Variants in PTCH2 observed in about 807,000 individuals in gnomAD.
PTCH2 encodes patched 2.
PTCH2 carries 96 observed loss-of-function variants against 117.9 expected under a neutral mutation model. That is an observed-to-expected ratio of 0.81 (90% CI 0.69 to 0.96). PTCH2 has a LOEUF of 0.96. Ranked by LOEUF, PTCH2 falls within the 50% of genes least tolerant of loss-of-function variation. PTCH2 has a pLI of 0.00. For missense variants in PTCH2, 1,379 were observed against 1,562.5 expected, an observed-to-expected ratio of 0.88 and a Z score of 1.98; for synonymous variants, 615 against 660.9, an observed-to-expected ratio of 0.93 and a Z score of 1.06.
At position 44,841,202 on chromosome 1, in the gene PTCH2, C is replaced by A. The variant is rs561355142; in HGVS notation, c.265+645G>T. 4.7e-5 allele frequency among the ~76,000 whole-genome samples: 7 copies of A among 149,430 alleles called. No individual in the cohort carries two copies. In the South Asian group the frequency reaches 8.5e-4, roughly 18 times the overall value. ...AAACAAACAAAAAAACAACCCCCCC[C>A]AAAAAAAAACCCCAAGAAAATCATT... On this transcript the variant is annotated intron_variant, in intron 2 of 21. Coordinates refer to ENST00000372192, the MANE Select transcript of PTCH2 (RefSeq NM_003738.5).
At chr1:44,834,466 C>G in intron 2 of PTCH2, among the ~76,000 whole-genome samples, 1 of 152,128 alleles carries the variant, frequency 6.6e-6, no homozygotes, top group East Asian at 1.9e-4. Context: ...TTTTGCCAGG[C>G]CTGTACTGCA....
Position 44,843,208 on chromosome 1 carries a change from G to A in PTCH2, c.-276C>T. 1 of 1,201,846 alleles carries A rather than the reference G, an allele frequency of 8.3e-7. No homozygotes were observed. The allele number at this position is 1,201,846 out of a possible 1,614,324, so 74.4% of individuals were successfully genotyped here. On this transcript the variant is annotated 5_prime_UTR_variant, in exon 1 of 22. Transcript: ENST00000372192. ...GAGGAATGGGTCCCGCGCGCAGGCG[G>A]AATTGCTGGCCCGAGACGCACAGCA...
At chr1:44,820,527 A>G (rs1652869943), downstream of PTCH2, 1 of 678,964 alleles carries the variant, frequency 1.5e-6, no homozygotes, top group African/African-American at 1.8e-5. Flanking sequence ...GATCCAATTC[A>G]CCTCGAAGGG....
rs150339322 is a variant in PTCH2, at chr1:44,827,078, G to C, written c.2519C>G (p.Thr840Ser). The C allele has an allele frequency of 1.8e-5, 29 of 1,613,928 alleles. No individual in the cohort carries two copies. The highest frequency in any genetic ancestry group is 2.2e-5 in the Non-Finnish European group (26 of 1,179,972). ...AQEPLDFSQL[T>S]TRKLVDREGL... ...CTCTCTGTCCACCAGCTTCCTTGTG[G>C]TCAGCTGCAGAGGCAGAGAGGGCTG... The change falls in exon 17 of 22, where the codon ACC (threonine) becomes AGC (serine). Residue 840 changes from threonine (T) to serine (S), a missense_variant. By Grantham distance (58) the Thr-to-Ser change is moderately conservative (BLOSUM62 1). Coordinates refer to ENST00000372192, the MANE Select transcript of PTCH2 (RefSeq NM_003738.5).
At chr1:44,840,123 G>A (rs969855102) in intron 2 of PTCH2, among the ~76,000 whole-genome samples, 1 of 137,058 alleles carries the variant, frequency 7.3e-6, no homozygotes, top group African/African-American at 2.9e-5. Context: ...TTTTTTTTGA[G>A]ATGGAATCTC....
At chr1:44,825,200 G>A (rs1653087622) in intron 19 of PTCH2, among the ~76,000 whole-genome samples, 1 of 151,908 alleles carries the variant, frequency 6.6e-6, no homozygotes, top group African/African-American at 2.4e-5. Flanking sequence ...GCAGTGGCAT[G>A]GTCTCGGCTC....
chr1:44,837,989 G>A (rs1354881936), intron 2 of PTCH2, among the ~76,000 whole-genome samples: 2 of 151,784 alleles, frequency 1.3e-5, no homozygotes, highest in African/African-American at 4.8e-5. Flanking sequence ...GGCTGAGGCA[G>A]GAGAATGGCG....
At position 44,828,966 on chromosome 1, in the gene PTCH2, G is replaced by C; in HGVS notation, c.1464+16C>G. ...GCTGAGCTGCCTCAGATGAGCCCTGGGGGACAAGGCCCCACCTGGAGAGGG... is the reference window on the plus strand; with the variant it reads ...GCTGAGCTGCCTCAGATGAGCCCTGCGGGACAAGGCCCCACCTGGAGAGGG... On this transcript the variant is annotated intron_variant, in intron 11 of 21. Coordinates refer to ENST00000372192, the MANE Select transcript of PTCH2 (RefSeq NM_003738.5). 2 of 1,551,368 alleles carry C rather than the reference G, an allele frequency of 1.3e-6. No homozygotes were observed. The highest frequency in any genetic ancestry group is 1.7e-6 in the Non-Finnish European group (2 of 1,146,582).
chr1:44,830,154 A>G (rs2148878548), intron 6 of PTCH2, 124 bp from the exon 7 acceptor site: 1 of 1,330,058 alleles, frequency 7.5e-7, no homozygotes, highest in South Asian at 1.4e-5. Flanking sequence ...GTAGGTAACT[A>G]TTCTGAGCCT....
chr1:44,838,034 AT>A (rs1464219386), intron 2 of PTCH2, among the ~76,000 whole-genome samples: 2 of 150,886 alleles, frequency 1.3e-5, no homozygotes, highest in African/African-American at 4.9e-5. Flanking sequence ...GTGAGCTAAG[AT>A]CGCACCTCTG....
In PTCH2 at chr1:44,827,039, G is replaced by A. The variant is rs149283893; in HGVS notation, c.2558C>T (p.Pro853Leu). The part of the protein sequence containing the change: ...KLVDREGLIP[P>L]ELFYMGLTVW... ...GGTCAGCCCCATGTAGAAGAGCTCG[G>A]GTGGAATCAGTCCCTCTCTGTCCAC... The change falls in exon 17 of 22, where the codon CCC becomes CTC. Residue 853 changes from proline (P) to leucine (L), a missense_variant. Transcript: ENST00000372192. 6.2e-7 allele frequency: 1 copy of A among 1,614,132 alleles called. No individual in the cohort carries two copies. Among genetic ancestry groups the A allele is most frequent in the South Asian group, 1.1e-5 (1 of 91,090 alleles).
At chr1:44,824,510 T>G (rs1653058061) in intron 19 of PTCH2, among the ~76,000 whole-genome samples, 1 of 151,856 alleles carries the variant, frequency 6.6e-6, no homozygotes, top group Non-Finnish European at 1.5e-5. Flanking sequence ...ATTTTTTTTT[T>G]TTTTTGAGAC....
At chr1:44,822,751 G>T in intron 21 of PTCH2, 82 bp from the exon 22 acceptor site, 3 of 1,436,442 alleles carry the variant, frequency 2.1e-6, no homozygotes, top group East Asian at 2.3e-5. Flanking sequence ...GGATTACCAT[G>T]ACTGTTGGGA....
At chr1:44,842,731 G>A (rs1279085163) in intron 1 of PTCH2, 130 bp downstream of exon 1, 5 of 891,154 alleles carry the variant, frequency 5.6e-6, no homozygotes, top group Non-Finnish European at 8.8e-6. Context: ...ACTTGCTTGC[G>A]GTGCTGGCTC....
chr1:44,841,426 T>C (rs937541030), intron 2 of PTCH2, among the ~76,000 whole-genome samples: 1 of 152,192 alleles, frequency 6.6e-6, no homozygotes, highest in East Asian at 1.9e-4. Context: ...TGGTCAGAAG[T>C]GATTTCTCCC....
rs1653001668 is a variant in PTCH2, at chr1:44,823,401, G to C, written c.3115-16C>G. On this transcript the variant is annotated splice_polypyrimidine_tract_variant and intron_variant, in intron 19 of 21. Coordinates refer to ENST00000372192, the MANE Select transcript of PTCH2 (RefSeq NM_003738.5). This position sits in a 1 kb window ranked among gnomAD's most constrained non-coding sequence, Gnocchi z 5.1. ...TCAGGAAGCCCTAGGAAAACAGAGTGGTCCTGGAGCTGCTCCTCTGCCAGT... is the reference window on the plus strand; with the variant it reads ...TCAGGAAGCCCTAGGAAAACAGAGTCGTCCTGGAGCTGCTCCTCTGCCAGT... The C allele has an allele frequency of 6.2e-7, 1 of 1,614,110 alleles. No individual in the cohort carries two copies. Among genetic ancestry groups the C allele is most frequent in the African/African-American group, 1.3e-5 (1 of 75,064 alleles).
intron 2 of PTCH2, among the ~76,000 whole-genome samples, chr1:44,839,361 C>CAAAAAAAAAAAAAAAAAAAAAA (rs57053705): frequency 1.3e-5 from 1 of 75,656 alleles, no homozygotes; most frequent in Non-Finnish European, 2.6e-5. Context: ...GACTTACTCT[C>CAAAAAAAAAAAAAAAAAAAAAA]AAAAAAAAAA....
In PTCH2 at chr1:44,822,415, T is replaced by C. The variant is rs1337730637; in HGVS notation, c.3612A>G (p.Ter1204TrpextTer4). The C allele has an allele frequency of 6.2e-7, 1 of 1,613,664 alleles. No homozygotes were observed. Among genetic ancestry groups the C allele is most frequent in the Admixed American group, 1.7e-5 (1 of 60,022 alleles). The change falls in exon 22 of 22, where the codon TGA becomes TGG. Residue 1204 changes from the stop codon to tryptophan (W), a stop_lost. Coordinates refer to ENST00000372192, the MANE Select transcript of PTCH2 (RefSeq NM_003738.5). ...TGGTCTCTGTGCTTCAGCTGCTCTT[T>C]CACCCAGTGGCTGGACCTGGTCCCC... ...SSRGPGPATG[*>W]
In PTCH2 at chr1:44,827,908, G is replaced by A. The variant is rs138324984; in HGVS notation, c.1993C>T (p.Arg665Cys). 306 of 1,614,180 alleles carry A rather than the reference G, an allele frequency of 1.9e-4. No individual in the cohort carries two copies. Among genetic ancestry groups the A allele is most frequent in the African/African-American group, 1.1e-3 (84 of 75,058 alleles). ...KAACKSLPCA[R>C]WNLAHFARYQ... ...CGGGCGAAATGGGCAAGATTCCAGC[G>A]GGCACAGGGCAGGGACTTGCAGGCT... The change falls in exon 14 of 22, where the codon CGC becomes TGC. Residue 665 changes from arginine (R) to cysteine (C), a missense_variant. Coordinates refer to ENST00000372192, the MANE Select transcript of PTCH2 (RefSeq NM_003738.5).
Sources: allele counts gnomAD v4.1 joint callset (sites outside exome capture counted in the v4.1 genomes callset), GRCh38; gene constraint gnomAD v4.1.1; non-coding constraint Gnocchi (gnomAD v3.1); transcripts MANE v1.5; gene names NCBI Gene and HGNC (gene_info 2026-07-23, HGNC 2026-07-21).